Variants in TEAD1 observed in about 807,000 individuals in gnomAD.
TEAD1 encodes transcriptional enhancer factor TEF-1.
Under a neutral mutation model 54.9 loss-of-function variants are expected in TEAD1, and 9 were observed. The observed-to-expected ratio is 0.16, with a 90% confidence interval of 0.10 to 0.29. The LOEUF is 0.29. Among genes scored for constraint, TEAD1 ranks in the 10% least tolerant of loss-of-function variants. The pLI, the probability that TEAD1 is intolerant of heterozygous loss-of-function variation, is 1.00. For missense variants in TEAD1, 387 were observed against 535.9 expected (o/e 0.72, Z 2.74); for synonymous variants, 200 against 187.8 (o/e 1.07, Z -0.53).
chr11:12,882,879 C>G, intron 8 of TEAD1, 122 bp from the exon 9 acceptor site: 1 of 1,441,104 alleles, frequency 6.9e-7, no homozygotes, highest in Non-Finnish European at 9.7e-7. Flanking sequence ...CTGGCCAGAG[C>G]CGGTGGAGAG....
chr11:12,679,635 A>G (rs1022016674), intron 2 of TEAD1, among the ~76,000 whole-genome samples: 3 of 152,136 alleles, frequency 2.0e-5, no homozygotes, highest in African/African-American at 4.8e-5. Context: ...AAAAAAATGC[A>G]TCAACTGTGC....
chr11:12,837,579 G>A (rs1946919269), intron 3 of TEAD1, among the ~76,000 whole-genome samples: 1 of 152,010 alleles, frequency 6.6e-6, no homozygotes, highest in African/African-American at 2.4e-5. Context: ...TCTCTCCTTG[G>A]CTTGTAGATG....
At chr11:12,773,675 A>G (rs76082027) in intron 3 of TEAD1, among the ~76,000 whole-genome samples, 325 of 151,914 alleles carry the variant, frequency 2.1e-3, no homozygotes, top group African/African-American at 7.4e-3. Context: ...CCTTTTTTGG[A>G]TATGTGGTTT....
intron 2 of TEAD1, among the ~76,000 whole-genome samples, chr11:12,731,451 GT>G (rs911454128): frequency 1.3e-5 from 2 of 151,768 alleles, no homozygotes; most frequent in African/African-American, 4.8e-5. Flanking sequence ...TTGTATGTAT[GT>G]TTTTTTAAAA....
At chr11:12,761,876 G>A (rs1005094636) in intron 2 of TEAD1, among the ~76,000 whole-genome samples, 2 of 152,172 alleles carry the variant, frequency 1.3e-5, no homozygotes, top group Non-Finnish European at 2.9e-5. Context: ...TGAGTTCCCT[G>A]CTGTTAGTGG....
At chr11:12,869,203 C>T (rs985160548) in intron 5 of TEAD1, among the ~76,000 whole-genome samples, 14 of 152,256 alleles carry the variant, frequency 9.2e-5, no homozygotes, top group East Asian at 5.8e-4. Flanking sequence ...GGAAAGACCT[C>T]GCCAGCCAGG....
chr11:12,678,380 G>A (rs1430567521), intron 2 of TEAD1, among the ~76,000 whole-genome samples: 2 of 152,166 alleles, frequency 1.3e-5, no homozygotes, highest in Non-Finnish European at 2.9e-5. Context: ...GGCTGCTTGG[G>A]GACAGATTGA....
At chr11:12,910,872 G>A (rs867131226) in intron 10 of TEAD1, among the ~76,000 whole-genome samples, 27 of 150,260 alleles carry the variant, frequency 1.8e-4, no homozygotes, top group Admixed American at 1.7e-3. Context: ...TCAGCCTCCC[G>A]AGTAGCTGGG....
chr11:12,832,776 C>T (rs1219458980), intron 3 of TEAD1, among the ~76,000 whole-genome samples: 2 of 152,196 alleles, frequency 1.3e-5, no homozygotes, highest in Non-Finnish European at 2.9e-5. Context: ...TTTACACATC[C>T]TGCCAATTGC....
chr11:12,918,069 T>C (rs895450482), intron 10 of TEAD1, among the ~76,000 whole-genome samples: 1 of 152,196 alleles, frequency 6.6e-6, no homozygotes. Context: ...TGGTACATTT[T>C]TAAAAACTCA....
At chr11:12,729,036 G>A (rs953529215) in intron 2 of TEAD1, among the ~76,000 whole-genome samples, 6 of 152,316 alleles carry the variant, frequency 3.9e-5, no homozygotes, top group Non-Finnish European at 7.3e-5. Flanking sequence ...CTGAGGGCAG[G>A]CAGCTGTAAT....
At chr11:12,802,959 A>G (rs1946092323) in intron 3 of TEAD1, among the ~76,000 whole-genome samples, 1 of 152,184 alleles carries the variant, frequency 6.6e-6, no homozygotes, top group Admixed American at 6.5e-5. Context: ...AGTTGGCGGC[A>G]TGCCTGTTGG....
chr11:12,695,057 G>C (rs575532311), intron 2 of TEAD1, among the ~76,000 whole-genome samples: 29 of 152,222 alleles, frequency 1.9e-4, no homozygotes, highest in Non-Finnish European at 2.9e-4. Context: ...GCAAAAGTTT[G>C]CCTGGCTTTT....
In TEAD1 at chr11:12,726,873, T is replaced by C. The variant is rs531120829; in HGVS notation, c.-54-37306T>C. Among the ~76,000 whole-genome samples the C allele has an allele frequency of 9.8e-5, 15 of 152,336 alleles. No individual in the cohort carries two copies. In the East Asian group the frequency reaches 1.2e-3, roughly 12 times the overall value. ...TGTATAATTTTGTTTATATTGATTA[T>C]AAGTTGGATAATTTTTGGATGTGTT... On this transcript the variant is annotated intron_variant, in intron 2 of 12. Transcript: ENST00000527636.
Position 12,836,802 on chromosome 11 carries a change from T to C in TEAD1, c.203-25448T>C, listed in dbSNP as rs541245521. ...CCTTAGAGGTTATTTTGGTAAACTT[T>C]CACTGCATCACGGACTTAGCAGGGT... On this transcript the variant is annotated intron_variant, in intron 3 of 12. Transcript: ENST00000527636. Among the ~76,000 whole-genome samples, 30 of 152,342 alleles carry C rather than the reference T, an allele frequency of 2.0e-4. 1 individual carries two copies. The East Asian group carries it at 5.6e-3, about 28-fold the overall frequency.
At chr11:12,898,601 G>A (rs1449287653) in intron 9 of TEAD1, among the ~76,000 whole-genome samples, 1 of 151,726 alleles carries the variant, frequency 6.6e-6, no homozygotes, top group Non-Finnish European at 1.5e-5. Context: ...CTCCGTGTTG[G>A]CCAGGCTGGT....
intron 5 of TEAD1, among the ~76,000 whole-genome samples, chr11:12,866,817 C>A (rs1316844133): frequency 1.3e-5 from 2 of 152,198 alleles, no homozygotes; most frequent in East Asian, 1.9e-4. Context: ...GTGTTCCAGG[C>A]ATGGTGCTTG....
Position 12,881,208 on chromosome 11 carries a change from C to A in TEAD1, c.512+157C>A, listed in dbSNP as rs183027451. Among the ~76,000 whole-genome samples, 3 of 152,200 alleles carry A rather than the reference C, an allele frequency of 2.0e-5. No individual in the cohort carries two copies. The East Asian group carries it at 5.8e-4, about 30-fold the overall frequency. On this transcript the variant is annotated intron_variant, in intron 7 of 12. Coordinates refer to ENST00000527636, the MANE Select transcript of TEAD1 (RefSeq NM_021961.6). ...TCCCCTTTTTATTGTGTACTTAGGC[C>A]CCTGGCAGGAAAGAGACTGGCTTTT... is the stretch of plus-strand genomic sequence containing the variant.
At chr11:12,845,829 C>A (rs1050554370) in intron 3 of TEAD1, among the ~76,000 whole-genome samples, 2 of 152,184 alleles carry the variant, frequency 1.3e-5, no homozygotes, top group Non-Finnish European at 2.9e-5. Context: ...TAGAATTGGT[C>A]GCCTCTCTGG....
Sources: gnomAD v4.1 joint callset for allele counts (sites outside exome capture counted in the v4.1 genomes callset) on GRCh38, gnomAD v4.1.1 for gene constraint, MANE v1.5 for transcripts, NCBI Gene and HGNC (gene_info 2026-07-23, HGNC 2026-07-21) for gene names.